The following KCNMA1 variants were observed in gnomAD, a reference collection of about 807,000 sequenced individuals.
The protein encoded by KCNMA1 is potassium calcium-activated channel subfamily M alpha 1.
A neutral mutation model predicts 140.0 loss-of-function variants in KCNMA1; 29 were observed. The observed-to-expected ratio is 0.21, with a 90% CI of 0.15 to 0.28. The LOEUF (loss-of-function observed/expected upper bound fraction) is 0.28. KCNMA1 is among the 10% of genes least tolerant of loss of function. The probability of loss-of-function intolerance (pLI) is 1.00; values close to 1 mark genes in which losing one functional copy is unlikely to be tolerated. For missense variants in KCNMA1, 880 were observed against 1,602.2 expected, an observed-to-expected ratio of 0.55 and a Z score of 7.70; for synonymous variants, 612 against 611.9, an observed-to-expected ratio of 1.00 and a Z score of 0.00.
intron 5 of KCNMA1, among the ~76,000 whole-genome samples, chr10:77,159,103 A>G (rs1253956446): frequency 6.6e-6 from 1 of 152,200 alleles, no homozygotes; most frequent in East Asian, 1.9e-4. Context: ...TAGAGAATAT[A>G]TGACACGGCT....
intron 15 of KCNMA1, among the ~76,000 whole-genome samples, chr10:77,035,632 A>G (rs1926701): frequency 6.6e-6 from 1 of 152,246 alleles, no homozygotes; most frequent in Non-Finnish European, 1.5e-5. Flanking sequence ...ACATATCCCA[A>G]TTCATTAAAT....
At chr10:77,516,444 C>T (rs192273411) in intron 1 of KCNMA1, among the ~76,000 whole-genome samples, 129 of 152,360 alleles carry the variant, frequency 8.5e-4, no homozygotes, top group African/African-American at 3.0e-3. Context: ...TCTGTCTCCA[C>T]TACTAGACCT....
intron 24 of KCNMA1, chr10:76,912,393 A>T (rs1473626143): frequency 6.6e-6 from 1 of 152,224 alleles, no homozygotes; most frequent in Non-Finnish European, 1.5e-5. Flanking sequence ...TGTGTCTCTT[A>T]AAATTCATTA....
chr10:77,565,077 C>T (rs1351036645), intron 1 of KCNMA1, among the ~76,000 whole-genome samples: 3 of 152,240 alleles, frequency 2.0e-5, no homozygotes, highest in Non-Finnish European at 4.4e-5. Context: ...GAGCACCCAT[C>T]TCTGTCCCAG....
intron 2 of KCNMA1, among the ~76,000 whole-genome samples, chr10:77,281,482 C>A (rs969873845): frequency 1.1e-4 from 16 of 152,278 alleles, no homozygotes; most frequent in Middle Eastern, 3.4e-3. Flanking sequence ...GGACCCAAAA[C>A]CATAACAGGG....
At chr10:77,253,453 AG>A (rs1213122648) in intron 2 of KCNMA1, among the ~76,000 whole-genome samples, 1 of 152,252 alleles carries the variant, frequency 6.6e-6, no homozygotes, top group Non-Finnish European at 1.5e-5. Context: ...ATGATTTCGC[AG>A]CATCCAGATG....
intron 23 of KCNMA1, among the ~76,000 whole-genome samples, chr10:76,928,158 A>G (rs962240343): frequency 5.3e-5 from 8 of 152,158 alleles, no homozygotes; most frequent in African/African-American, 1.9e-4. Flanking sequence ...TGTTATTTGA[A>G]TTAATCTCCT....
At chr10:77,631,141 C>T (rs1275465736) in intron 1 of KCNMA1, among the ~76,000 whole-genome samples, 1 of 150,934 alleles carries the variant, frequency 6.6e-6, no homozygotes, top group East Asian at 1.9e-4. Context: ...TTTGAGAAGC[C>T]CAGGCCTAGA....
At chr10:77,482,795 C>T (rs150475238) in intron 1 of KCNMA1, among the ~76,000 whole-genome samples, 1 of 152,044 alleles carries the variant, frequency 6.6e-6, no homozygotes, top group Non-Finnish European at 1.5e-5. Flanking sequence ...AAATGAAATT[C>T]CAGCAGTTTT....
chr10:77,113,755 C>T (rs986901168), intron 6 of KCNMA1, among the ~76,000 whole-genome samples: 6 of 152,156 alleles, frequency 3.9e-5, no homozygotes, highest in African/African-American at 4.8e-5. Context: ...TGATCCACCG[C>T]GCCCAGCCCA....
At chr10:77,204,362 C>T (rs2043396426) in intron 3 of KCNMA1, among the ~76,000 whole-genome samples, 1 of 152,204 alleles carries the variant, frequency 6.6e-6, no homozygotes, top group South Asian at 2.1e-4. Flanking sequence ...CCTGAGAAGG[C>T]TATGGGATAG....
rs1236803924 is a variant in KCNMA1 at position 77,184,927 on chromosome 10, G to GAAA, written c.603-12_603-11insTTT. On this transcript the variant is annotated splice_polypyrimidine_tract_variant and intron_variant, in intron 3 of 27. Coordinates refer to ENST00000286628, the MANE Select transcript of KCNMA1 (RefSeq NM_001161352.2). Reference sequence around the variant, plus strand: ...CAGGATTCTATTGGGCTATTAGACAGGAAGAAGAAAAAGCAAGAGGTAAAT... The same window carrying GAAA: ...CAGGATTCTATTGGGCTATTAGACAGAAAGAAGAAGAAAAAGCAAGAGGTAAAT... 1 of 1,550,506 alleles carries GAAA rather than the reference G, an allele frequency of 6.4e-7. No homozygotes were observed. Among genetic ancestry groups the GAAA allele is most frequent in the African/African-American group, 1.4e-5 (1 of 73,494 alleles).
Position 77,482,843 on chromosome 10 carries a change from C to G in KCNMA1, c.379-78820G>C, listed in dbSNP as rs146636751. ...CCCAAAATGCCCAAATGTCATGCAG[C>G]ATGATTTCAATCCCTGAACTGCTCC... On this transcript the variant is annotated intron_variant, in intron 1 of 27. Coordinates refer to ENST00000286628, the MANE Select transcript of KCNMA1 (RefSeq NM_001161352.2). Among the ~76,000 whole-genome samples the G allele has an allele frequency of 6.3e-3, 952 of 152,182 alleles. 7 individuals are homozygous for G. Among genetic ancestry groups the G allele is most frequent in the South Asian group, 0.042 (202 of 4,812 alleles).
chr10:77,045,728 G>C (rs1259520382), intron 14 of KCNMA1, among the ~76,000 whole-genome samples: 1 of 152,188 alleles, frequency 6.6e-6, no homozygotes, highest in Non-Finnish European at 1.5e-5. Flanking sequence ...TGATTAGAGT[G>C]AAACTGTGTT....
chr10:77,427,940 A>AT (rs1295574156), intron 1 of KCNMA1, among the ~76,000 whole-genome samples: 1 of 151,852 alleles, frequency 6.6e-6, no homozygotes, highest in Non-Finnish European at 1.5e-5. Flanking sequence ...TTTAGTAGAG[A>AT]CAGGGTTTCA....
At chr10:77,030,271 C>T (rs1244507958) in intron 15 of KCNMA1, among the ~76,000 whole-genome samples, 1 of 152,250 alleles carries the variant, frequency 6.6e-6, no homozygotes, top group African/African-American at 2.4e-5. Flanking sequence ...ACATATCCAA[C>T]TACAGCTGGA....
In KCNMA1 at chr10:76,886,872, G is replaced by A; in HGVS notation, c.*394C>T. On this transcript the variant is annotated 3_prime_UTR_variant, in exon 28 of 28. Transcript: ENST00000286628. ...AACAACAACAAAATCAAAACCCAAA[G>A]CACCCTGATAATCCTGATAAATCAG... 4 of 1,095,456 alleles carry A rather than the reference G, an allele frequency of 3.7e-6. No individual in the cohort carries two copies. The highest frequency in any genetic ancestry group is 4.5e-6 in the Non-Finnish European group (4 of 895,676). The allele number at this position is 1,095,456 out of a possible 1,614,324, so 67.9% of individuals were successfully genotyped here. A position where few individuals can be genotyped will look rare whatever the true frequency, so the allele number is the denominator to read the frequency against.
chr10:77,414,835 C>T (rs888503057), intron 1 of KCNMA1, among the ~76,000 whole-genome samples: 3 of 152,166 alleles, frequency 2.0e-5, no homozygotes, highest in African/African-American at 7.2e-5. Flanking sequence ...GGTAATTTTC[C>T]AAGATTACCC....
intron 1 of KCNMA1, among the ~76,000 whole-genome samples, chr10:77,407,857 T>G (rs2096524612): frequency 6.6e-6 from 1 of 152,164 alleles, no homozygotes; most frequent in Non-Finnish European, 1.5e-5. Context: ...CTGCACCACT[T>G]TCATCAACCA....
Sources: gnomAD v4.1 joint callset for allele counts (sites outside exome capture counted in the v4.1 genomes callset) on GRCh38, gnomAD v4.1.1 for gene constraint, MANE v1.5 for transcripts, NCBI Gene and HGNC (gene_info 2026-07-23, HGNC 2026-07-21) for gene names.